The following TNRC18 variants were observed in gnomAD, a reference collection of about 807,000 sequenced individuals.
TNRC18 encodes the protein trinucleotide repeat containing 18.
In TNRC18, 69 loss-of-function variants were observed where a neutral mutation model predicts 226.7. The observed-to-expected ratio is 0.30, with a 90% CI of 0.25 to 0.37. TNRC18 has a LOEUF of 0.37. TNRC18 is among the 10% of genes least tolerant of loss of function. The pLI is 1.00. For missense variants in TNRC18, 4,754 were observed against 4,256.6 expected, an observed-to-expected ratio of 1.12 and a Z score of -3.25; for synonymous variants, 2,449 against 1,927.6, an observed-to-expected ratio of 1.27 and a Z score of -7.09.
At chr7:5,361,499 G>A in intron 14 of TNRC18, 95 bp downstream of exon 14, 1 of 1,379,230 alleles carries the variant, frequency 7.3e-7, no homozygotes, top group Non-Finnish European at 9.5e-7. Context: ...GGGACGCGAG[G>A]TCCCCCAGCA....
At chr7:5,321,683 ATTTTTG>A (rs1397185171) in intron 21 of TNRC18, among the ~76,000 whole-genome samples, 1 of 129,680 alleles carries the variant, frequency 7.7e-6, no homozygotes, top group African/African-American at 2.8e-5. Context: ...TTATTTATTT[ATTTTTG>A]AGATGGAGTT....
intron 19 of TNRC18, among the ~76,000 whole-genome samples, chr7:5,326,155 T>C (rs10233693): frequency 0.11 from 16,388 of 151,994 alleles, 1,020 homozygotes; most frequent in South Asian, 0.16. Context: ...CAGCTACTAG[T>C]AACAGCATGG....
chr7:5,421,721 G>A (rs983277848), intron 1 of TNRC18, among the ~76,000 whole-genome samples: 1 of 152,078 alleles, frequency 6.6e-6, no homozygotes, highest in African/African-American at 2.4e-5. Context: ...AAAGTGACCG[G>A]CGGCGGTGGC....
chr7:5,350,465 G>A (rs1281285078), intron 17 of TNRC18, among the ~76,000 whole-genome samples: 2 of 151,958 alleles, frequency 1.3e-5, no homozygotes, highest in South Asian at 2.1e-4. Context: ...TTCAGGTCCC[G>A]GGGTGCCCGA....
intron 18 of TNRC18, 46 bp downstream of exon 18, chr7:5,345,516 C>CGGGGCG: frequency 2.8e-6 from 1 of 354,366 alleles, no homozygotes. Context: ...CAATGGCGTC[C>CGGGGCG]GCCCCTCCCA....
intron 14 of TNRC18, among the ~76,000 whole-genome samples, chr7:5,361,111 G>A (rs976004545): frequency 6.6e-6 from 1 of 152,202 alleles, no homozygotes; most frequent in Non-Finnish European, 1.5e-5. Flanking sequence ...TGCCCCACAA[G>A]GCTGCGACCG....
At chr7:5,331,581 A>C (rs1789524869) in intron 19 of TNRC18, among the ~76,000 whole-genome samples, 1 of 152,204 alleles carries the variant, frequency 6.6e-6, no homozygotes, top group African/African-American at 2.4e-5. Context: ...CTTGCAGCAC[A>C]CAATAGTTAC....
At position 5,332,940 on chromosome 7, in the gene TNRC18, C is replaced by A. The variant is rs1385760938; in HGVS notation, c.5829G>T (p.Leu1943=). 6.5e-7 allele frequency: 1 copy of A among 1,550,354 alleles called. No individual in the cohort carries two copies. The highest frequency in any genetic ancestry group is 2.4e-5 in the East Asian group (1 of 41,954). The change falls in exon 19 of 30, where the codon CTG becomes CTT. Residue 1943 remains leucine (L), a synonymous_variant. Transcript: ENST00000430969. ...KKGLGEPGPS[L]AAPTPGARGP... ...CGCGGGCGCCAGGCGTGGGTGCGGC[C>A]AGGGAGGGTCCCGGCTCCCCCAGCC...
chr7:5,390,402 G>A (rs1780202089), intron 4 of TNRC18, 83 bp downstream of exon 4: 5 of 1,511,498 alleles, frequency 3.3e-6, no homozygotes, highest in Non-Finnish European at 4.6e-6. Flanking sequence ...GACAGAGCTG[G>A]GGGCTACCTG....
chr7:5,360,718 G>A (rs892587619), intron 14 of TNRC18, among the ~76,000 whole-genome samples: 6 of 152,098 alleles, frequency 3.9e-5, no homozygotes, highest in African/African-American at 1.4e-4. Context: ...AGCTCTCCCT[G>A]CCCCTGCTGC....
intron 11 of TNRC18, among the ~76,000 whole-genome samples, chr7:5,367,316 G>C (rs1793715395): frequency 6.6e-6 from 1 of 151,982 alleles, no homozygotes; most frequent in South Asian, 2.1e-4. Context: ...AGTGAGCGGA[G>C]ATCACACCAC....
intron 11 of TNRC18, among the ~76,000 whole-genome samples, chr7:5,369,121 G>T (rs908548208): frequency 2.0e-5 from 3 of 152,188 alleles, no homozygotes; most frequent in Non-Finnish European, 2.9e-5. Flanking sequence ...GCCAAGGCAG[G>T]CGGGTCACTT....
At chr7:5,395,996 CAA>C (rs1178969904) in intron 2 of TNRC18, among the ~76,000 whole-genome samples, 10 of 107,702 alleles carry the variant, frequency 9.3e-5, no homozygotes, top group Admixed American at 9.3e-5. Flanking sequence ...GACTCCGTCT[CAA>C]AAAAAAAAAA....
rs559268182 is a variant in TNRC18, at chr7:5,309,515, T to G, written c.8389-147A>C. ...TGGGGAGATGAGGAAGCTCCTTGTCTCGCTTCAAGTGGGGAAGCCCCTCTT... is the reference window on the plus strand; with the variant it reads ...TGGGGAGATGAGGAAGCTCCTTGTCGCGCTTCAAGTGGGGAAGCCCCTCTT... On this transcript the variant is annotated intron_variant, in intron 27 of 29. Coordinates refer to ENST00000430969, the MANE Select transcript of TNRC18 (RefSeq NM_001080495.3). The surrounding 1 kb of genome is among the most constrained non-coding windows in gnomAD (Gnocchi z 5.7). The G allele has an allele frequency of 8.5e-4, 577 of 680,274 alleles. 3 individuals carry two copies. Among genetic ancestry groups the G allele is most frequent in the Non-Finnish European group, 1.3e-3 (538 of 406,510 alleles). The allele number at this position is 680,274 out of a possible 1,614,324, so 42.1% of individuals were successfully genotyped here.
intron 18 of TNRC18, among the ~76,000 whole-genome samples, chr7:5,342,824 G>C (rs926638349): frequency 6.6e-6 from 1 of 152,192 alleles, no homozygotes; most frequent in African/African-American, 2.4e-5. Context: ...ATGTTACAGA[G>C]AAATCTTTCT....
intron 13 of TNRC18, 58 bp from the exon 14 acceptor site, chr7:5,361,780 C>T (rs576155020): frequency 2.6e-5 from 40 of 1,541,600 alleles, no homozygotes; most frequent in Non-Finnish European, 3.1e-5. Context: ...GCGCGGAGAA[C>T]GGGCACACGA....
rs1457427833 is a variant in TNRC18, at chr7:5,377,472, C to A, written c.2360G>T (p.Gly787Val). Residue 787 changes from glycine (G) to valine (V), a missense_variant, in exon 7 of 30, where the codon GGC (glycine) becomes GTC (valine). Transcript: ENST00000430969. The surrounding 1 kb of genome is among the most constrained non-coding windows in gnomAD (Gnocchi z 5.8). ...GGGGTCGGCAGACCAGCGACCTGAG[C>A]CCGCCAGCGCCGGGCCCCCCGTCAC... ...LMVTGGPALAGSGRWSADPAA... is the reference protein window; with the variant it reads ...LMVTGGPALAVSGRWSADPAA... 8 of 1,579,300 alleles carry A rather than the reference C, an allele frequency of 5.1e-6. No homozygotes were observed. The highest frequency in any genetic ancestry group is 6.9e-6 in the Non-Finnish European group (8 of 1,163,906).
At chr7:5,350,684 C>G (rs137920375) in intron 17 of TNRC18, among the ~76,000 whole-genome samples, 1 of 152,182 alleles carries the variant, frequency 6.6e-6, no homozygotes, top group Non-Finnish European at 1.5e-5. Flanking sequence ...TTGAAGGGCC[C>G]AAAAGGCTCA....
At chr7:5,395,597 G>T (rs1405341036) in intron 2 of TNRC18, among the ~76,000 whole-genome samples, 1 of 152,224 alleles carries the variant, frequency 6.6e-6, no homozygotes, top group African/African-American at 2.4e-5. Flanking sequence ...TGGCGCACGG[G>T]GCTTCCCTTA....
Sources: gnomAD v4.1 joint callset for allele counts (sites outside exome capture counted in the v4.1 genomes callset) on GRCh38, gnomAD v4.1.1 for gene constraint, Gnocchi (gnomAD v3.1) non-coding constraint, MANE v1.5 for transcripts, NCBI Gene and HGNC (gene_info 2026-07-23, HGNC 2026-07-21) for gene names.